TMEM132C: variants seen among roughly 807,000 people sequenced by gnomAD.
TMEM132C encodes protein phosphatase 1, regulatory subunit 152.
In TMEM132C, 29 loss-of-function variants were observed where a neutral mutation model predicts 61.4. The ratio of observed to expected loss-of-function variants is 0.47; its 90% CI spans 0.35 to 0.64. The LOEUF (loss-of-function observed/expected upper bound fraction) is 0.64, where lower values mean the gene tolerates loss of function less well. TMEM132C is among the 30% of genes least tolerant of loss of function. The probability of loss-of-function intolerance (pLI) is 0.00; values close to 1 mark genes in which losing one functional copy is unlikely to be tolerated. For synonymous variants in TMEM132C, 656 were observed against 633.1 expected, an observed-to-expected ratio of 1.04 and a Z score of -0.54; for missense variants, 1,408 against 1,476.9, an observed-to-expected ratio of 0.95 and a Z score of 0.76.
At chr12:128,658,151 AGCAGGGACGCAGC>A (rs1954346912) in intron 4 of TMEM132C, among the ~76,000 whole-genome samples, 1 of 101,578 alleles carries the variant, frequency 9.8e-6, no homozygotes, top group African/African-American at 3.6e-5. Context: ...ACAAGGCAGG[AGCAGGGACGCAGC>A]TCCCATGGAG....
intron 2 of TMEM132C, among the ~76,000 whole-genome samples, chr12:128,537,865 C>T (rs765079064): frequency 6.6e-6 from 1 of 152,092 alleles, no homozygotes; most frequent in African/African-American, 2.4e-5. Flanking sequence ...GACAATGGAC[C>T]ACAATTATGG....
At chr12:128,370,484 C>T (rs1487561402) in intron 1 of TMEM132C, among the ~76,000 whole-genome samples, 1 of 151,838 alleles carries the variant, frequency 6.6e-6, no homozygotes, top group African/African-American at 2.4e-5. Context: ...AGCAGCAAAG[C>T]AAAGGTGAAG....
intron 2 of TMEM132C, among the ~76,000 whole-genome samples, chr12:128,442,106 T>A (rs1173894524): frequency 6.6e-6 from 1 of 152,212 alleles, no homozygotes; most frequent in Non-Finnish European, 1.5e-5. Context: ...TCATGCCTCC[T>A]GGGCCTCAGT....
At chr12:128,585,202 T>G (rs993753916) in intron 3 of TMEM132C, among the ~76,000 whole-genome samples, 1 of 152,238 alleles carries the variant, frequency 6.6e-6, no homozygotes, top group Non-Finnish European at 1.5e-5. Flanking sequence ...AAATGTATAT[T>G]TGGGGATATT....
chr12:128,477,774 G>A (rs545219628), intron 2 of TMEM132C, among the ~76,000 whole-genome samples: 1 of 152,126 alleles, frequency 6.6e-6, no homozygotes, highest in Non-Finnish European at 1.5e-5. Context: ...TAGAGACAGG[G>A]TTTCACCATA....
intron 5 of TMEM132C, among the ~76,000 whole-genome samples, chr12:128,687,856 A>C (rs2135646659): frequency 6.6e-6 from 1 of 152,336 alleles, no homozygotes; most frequent in South Asian, 2.1e-4. Flanking sequence ...GGTTCCAGGA[A>C]GACATGAGTT....
At chr12:128,629,761 T>G (rs1482964222) in intron 4 of TMEM132C, among the ~76,000 whole-genome samples, 2 of 151,926 alleles carry the variant, frequency 1.3e-5, no homozygotes, top group Non-Finnish European at 2.9e-5. Context: ...AGGTCAGGGG[T>G]TTGCGATCAG....
At chr12:128,562,987 A>G (rs1874576182) in intron 3 of TMEM132C, among the ~76,000 whole-genome samples, 1 of 152,178 alleles carries the variant, frequency 6.6e-6, no homozygotes, top group South Asian at 2.1e-4. Context: ...AGCCAGGGAG[A>G]GGGACAAAGG....
At chr12:128,365,176 C>G (rs546201308) in intron 1 of TMEM132C, among the ~76,000 whole-genome samples, 1 of 152,304 alleles carries the variant, frequency 6.6e-6, no homozygotes, top group East Asian at 1.9e-4. Context: ...TCGTAATCCT[C>G]TCTTGACTCT....
At position 128,326,958 on chromosome 12, in the gene TMEM132C, T is replaced by G. The variant is rs1872541261; in HGVS notation, c.85+59471T>G. Among the ~76,000 whole-genome samples the G allele has an allele frequency of 6.7e-6, 1 of 150,014 alleles. No homozygotes were observed. Among genetic ancestry groups the G allele is most frequent in the African/African-American group, 2.5e-5 (1 of 39,322 alleles). On this transcript the variant is annotated intron_variant, in intron 1 of 8. Transcript: ENST00000435159. This position sits in a 1 kb window ranked among gnomAD's most constrained non-coding sequence, Gnocchi z 5.6. The stretch of plus-strand genomic sequence containing the variant: ...TAGGGGGAAAATGTTAGAACGACTA[T>G]TTAAGTAAAATTTACTTTTAGTGGT...
At chr12:128,477,166 G>A (rs563122830) in intron 2 of TMEM132C, among the ~76,000 whole-genome samples, 2 of 152,270 alleles carry the variant, frequency 1.3e-5, no homozygotes, top group Admixed American at 6.5e-5. Context: ...CTGGTTGGCC[G>A]ATTTGGAGTG....
chr12:128,449,754 G>A (rs1382328049), intron 2 of TMEM132C, among the ~76,000 whole-genome samples: 1 of 152,160 alleles, frequency 6.6e-6, no homozygotes, highest in Non-Finnish European at 1.5e-5. Flanking sequence ...TTTGACAGGT[G>A]TCTCCTTAGC....
chr12:128,654,528 A>G (rs1431192284), intron 4 of TMEM132C, among the ~76,000 whole-genome samples: 1 of 152,124 alleles, frequency 6.6e-6, no homozygotes, highest in East Asian at 1.9e-4. Flanking sequence ...ATACACATCA[A>G]TTACTGTTAT....
At chr12:128,456,266 G>T (rs745962563) in intron 2 of TMEM132C, among the ~76,000 whole-genome samples, 1 of 149,578 alleles carries the variant, frequency 6.7e-6, no homozygotes, top group African/African-American at 2.4e-5. Context: ...ATGTTTGCGT[G>T]ATTTGCGTGG....
At chr12:128,475,494 C>T (rs572100263) in intron 2 of TMEM132C, among the ~76,000 whole-genome samples, 1 of 151,960 alleles carries the variant, frequency 6.6e-6, no homozygotes, top group South Asian at 2.1e-4. Context: ...GATGGTTGCA[C>T]AAATTTGTGA....
chr12:128,359,169 T>A (rs1341828210), intron 1 of TMEM132C, among the ~76,000 whole-genome samples: 1 of 152,204 alleles, frequency 6.6e-6, no homozygotes, highest in Non-Finnish European at 1.5e-5. Flanking sequence ...TGCTTTGCTG[T>A]ATGAGTGTGT....
At chr12:128,314,552 G>C (rs2135929494) in intron 1 of TMEM132C, among the ~76,000 whole-genome samples, 1 of 152,256 alleles carries the variant, frequency 6.6e-6, no homozygotes, top group Middle Eastern at 3.4e-3. Context: ...GCTGGAAATA[G>C]AGTCATTGCA....
chr12:128,315,129 C>T (rs144957109), intron 1 of TMEM132C, among the ~76,000 whole-genome samples: 21 of 152,108 alleles, frequency 1.4e-4, no homozygotes, highest in South Asian at 4.2e-4. Flanking sequence ...TGATCAGGGA[C>T]GGGGACAGTT....
intron 4 of TMEM132C, among the ~76,000 whole-genome samples, chr12:128,633,938 C>T (rs527958680): frequency 2.0e-5 from 3 of 152,196 alleles, no homozygotes; most frequent in Non-Finnish European, 4.4e-5. Context: ...GCTTCATATA[C>T]AAAATTGCCT....
Sources: gnomAD v4.1 joint callset for allele counts (sites outside exome capture counted in the v4.1 genomes callset) on GRCh38, gnomAD v4.1.1 for gene constraint, Gnocchi (gnomAD v3.1) non-coding constraint, MANE v1.5 for transcripts, NCBI Gene and HGNC (gene_info 2026-07-23, HGNC 2026-07-21) for gene names.